Variants in RABGAP1L observed in about 807,000 individuals in gnomAD.
The protein encoded by RABGAP1L is RAB GTPase activating protein 1 like, also known as rab GTPase-activating protein 1-like.
In RABGAP1L, 63 loss-of-function variants were observed where a neutral mutation model predicts 137.7. The observed-to-expected ratio is 0.46, with a 90% CI of 0.37 to 0.56. The LOEUF is 0.56. Ranked by LOEUF, RABGAP1L falls within the 20% of genes least tolerant of loss-of-function variation. RABGAP1L has a pLI of 0.00. For synonymous variants in RABGAP1L, 431 were observed against 433.7 expected (o/e 0.99, Z 0.08); for missense variants, 1,095 against 1,244.0 (o/e 0.88, Z 1.80).
At position 174,240,664 on chromosome 1, in the gene RABGAP1L, G is replaced by A. The variant is rs554530681; in HGVS notation, c.543-819G>A. Among the ~76,000 whole-genome samples, 103 of 152,326 alleles carry A rather than the reference G, an allele frequency of 6.8e-4. 1 individual carries two copies. The highest frequency in any genetic ancestry group is 2.3e-3 in the African/African-American group (95 of 41,576). ...TCTTTGGAACCACCTGACCTTTTCT[G>A]TGGTAGAAAGGGCCTCAGTTGAACA... On this transcript the variant is annotated intron_variant, in intron 4 of 25. Coordinates refer to ENST00000681986, the MANE Select transcript of RABGAP1L (RefSeq NM_001366446.1).
chr1:174,320,903 A>G (rs935796239), intron 11 of RABGAP1L, among the ~76,000 whole-genome samples: 1 of 152,196 alleles, frequency 6.6e-6, no homozygotes, highest in Admixed American at 6.5e-5. Flanking sequence ...AGTGATGTTC[A>G]GGGAACAAGG....
chr1:174,739,272 C>T (rs1204726483), intron 17 of RABGAP1L, among the ~76,000 whole-genome samples: 1 of 151,986 alleles, frequency 6.6e-6, no homozygotes, highest in Non-Finnish European at 1.5e-5. Context: ...ATATTTTGTT[C>T]CATAAAAGCT....
intron 13 of RABGAP1L, among the ~76,000 whole-genome samples, chr1:174,508,894 C>A (rs1234322058): frequency 5.3e-5 from 8 of 151,854 alleles, no homozygotes; most frequent in African/African-American, 9.7e-5. Flanking sequence ...CTGTTGTGTT[C>A]ATTTAGCTAG....
chr1:174,432,284 A>G (rs924002907), intron 13 of RABGAP1L, among the ~76,000 whole-genome samples: 1 of 152,168 alleles, frequency 6.6e-6, no homozygotes, highest in African/African-American at 2.4e-5. Flanking sequence ...TGCAAAAGAT[A>G]TGATTTAATT....
intron 17 of RABGAP1L, among the ~76,000 whole-genome samples, chr1:174,729,203 G>A (rs894508815): frequency 6.6e-6 from 1 of 152,224 alleles, no homozygotes; most frequent in East Asian, 1.9e-4. Flanking sequence ...CTTTGACAAA[G>A]TCGACAAAAT....
chr1:174,614,765 C>G (rs1191899646), intron 13 of RABGAP1L, among the ~76,000 whole-genome samples: 1 of 152,160 alleles, frequency 6.6e-6, no homozygotes, highest in Non-Finnish European at 1.5e-5. Flanking sequence ...TTCTTGGAGG[C>G]TTTGCTCATT....
chr1:174,788,751 G>A (rs1687640584), intron 18 of RABGAP1L, among the ~76,000 whole-genome samples: 1 of 152,030 alleles, frequency 6.6e-6, no homozygotes, highest in African/African-American at 2.4e-5. Context: ...TTGTTCTGTT[G>A]CCCAGGCTGG....
chr1:174,965,814 A>C (rs1669569110), intron 20 of RABGAP1L, among the ~76,000 whole-genome samples: 1 of 152,190 alleles, frequency 6.6e-6, no homozygotes, highest in Non-Finnish European at 1.5e-5. Context: ...GCTAAAGCAA[A>C]AGCCAGTAGG....
intron 13 of RABGAP1L, among the ~76,000 whole-genome samples, chr1:174,579,950 A>G (rs1572389394): frequency 6.6e-6 from 1 of 152,136 alleles, no homozygotes; most frequent in East Asian, 1.9e-4. Context: ...TGGTAGAGAC[A>G]GGGTTTCACC....
At chr1:174,321,218 G>A (rs1679942759) in intron 11 of RABGAP1L, among the ~76,000 whole-genome samples, 1 of 152,176 alleles carries the variant, frequency 6.6e-6, no homozygotes, top group African/African-American at 2.4e-5. Context: ...TTCAAACTCT[G>A]TCTCCTGATA....
At chr1:174,979,548 T>C (rs1213472460) in intron 23 of RABGAP1L, among the ~76,000 whole-genome samples, 1 of 152,220 alleles carries the variant, frequency 6.6e-6, no homozygotes, top group Non-Finnish European at 1.5e-5. Flanking sequence ...TGAAGTTTAG[T>C]TATTGTATTA....
intron 13 of RABGAP1L, among the ~76,000 whole-genome samples, chr1:174,532,880 T>G (rs1349856832): frequency 1.3e-5 from 2 of 152,192 alleles, no homozygotes. Flanking sequence ...TTCTAAAAAC[T>G]GATAAAAAAC....
At chr1:174,405,893 A>G (rs180693872) in intron 13 of RABGAP1L, among the ~76,000 whole-genome samples, 123 of 152,114 alleles carry the variant, frequency 8.1e-4, no homozygotes, top group Non-Finnish European at 1.2e-3. Context: ...TGGGAGGATC[A>G]CTTGAGCCCG....
chr1:174,483,152 T>C (rs1422079674), intron 13 of RABGAP1L, among the ~76,000 whole-genome samples: 1 of 152,212 alleles, frequency 6.6e-6, no homozygotes, highest in Non-Finnish European at 1.5e-5. Flanking sequence ...ATATCCTTTT[T>C]AGTTGTTTTA....
chr1:174,635,684 A>G (rs1158632627), intron 13 of RABGAP1L, among the ~76,000 whole-genome samples: 5 of 152,116 alleles, frequency 3.3e-5, no homozygotes, highest in Non-Finnish European at 5.9e-5. Flanking sequence ...CCTGTAAGCC[A>G]TCAGAATTTC....
chr1:174,300,341 C>T (rs1413205526), intron 10 of RABGAP1L, among the ~76,000 whole-genome samples: 2 of 151,360 alleles, frequency 1.3e-5, no homozygotes, highest in Admixed American at 6.6e-5. Flanking sequence ...GCCTGGCCAA[C>T]GTGGAGAAAC....
chr1:174,287,106 C>A (rs998411183), intron 10 of RABGAP1L, among the ~76,000 whole-genome samples: 47 of 152,240 alleles, frequency 3.1e-4, no homozygotes, highest in Non-Finnish European at 4.0e-4. Flanking sequence ...CCTGCATGAT[C>A]TATCTACTGT....
At chr1:174,868,146 A>G (rs1573582746) in intron 19 of RABGAP1L, among the ~76,000 whole-genome samples, 1 of 151,372 alleles carries the variant, frequency 6.6e-6, no homozygotes, top group East Asian at 1.9e-4. Flanking sequence ...TTTATTAGAG[A>G]TGAGGTTTCA....
At chr1:174,749,154 C>T (rs547209670) in intron 17 of RABGAP1L, among the ~76,000 whole-genome samples, 82 of 142,796 alleles carry the variant, frequency 5.7e-4, no homozygotes, top group Middle Eastern at 7.4e-3. Flanking sequence ...CTAGCCTGGG[C>T]GACAGAGCAA....
Sources: gnomAD v4.1 joint callset for allele counts (sites outside exome capture counted in the v4.1 genomes callset) on GRCh38, gnomAD v4.1.1 for gene constraint, MANE v1.5 for transcripts, NCBI Gene and HGNC (gene_info 2026-07-23, HGNC 2026-07-21) for gene names.